Variants in DNAH11 observed in about 807,000 individuals in gnomAD.
DNAH11 encodes the protein axonemal beta dynein heavy chain 11.
DNAH11 carries 442 observed loss-of-function variants against 526.0 expected under a neutral mutation model. That is an observed-to-expected ratio of 0.84 (90% CI 0.78 to 0.91). The LOEUF is 0.91. DNAH11 is among the 40% of genes least tolerant of loss of function. The pLI is 0.00. For missense variants in DNAH11, 6,989 were observed against 5,448.7 expected (o/e 1.28, Z -8.90); for synonymous variants, 2,461 against 1,935.9 (o/e 1.27, Z -7.12).
chr7:21,807,519 T>C (rs1210149793), intron 62 of DNAH11, among the ~76,000 whole-genome samples: 1 of 152,130 alleles, frequency 6.6e-6, no homozygotes, highest in Non-Finnish European at 1.5e-5. Flanking sequence ...AATCTTAACA[T>C]CACTCGTTCT....
At chr7:21,815,764 A>G (rs941577628) in intron 63 of DNAH11, among the ~76,000 whole-genome samples, 5 of 152,038 alleles carry the variant, frequency 3.3e-5, no homozygotes, top group African/African-American at 9.7e-5. Context: ...CTTTAATACA[A>G]TTTTTGCCAC....
chr7:21,789,479 T>G lies in DNAH11; in HGVS notation c.10026+137T>G, dbSNP rs930021816. On this transcript the variant is annotated intron_variant, in intron 61 of 81. Coordinates refer to ENST00000409508, the MANE Select transcript of DNAH11 (RefSeq NM_001277115.2). ...TTCGATCTTCCATGAGTGTATTTCC[T>G]TATATACCATTCAGTAGGTATTTCT... is the stretch of plus-strand genomic sequence containing the variant. 6.9e-6 allele frequency: 4 copies of G among 579,238 alleles called. No individual in the cohort carries two copies. In the Admixed American group the frequency reaches 9.3e-5, roughly 13 times the overall value. The allele number at this position is 579,238 out of a possible 1,614,324, so 35.9% of individuals were successfully genotyped here. A position where few individuals can be genotyped will look rare whatever the true frequency, so the allele number is the denominator to read the frequency against.
chr7:21,683,751 G>C, intron 31 of DNAH11, 33 bp from the exon 32 acceptor site: 1 of 1,531,872 alleles, frequency 6.5e-7, no homozygotes, highest in African/African-American at 1.4e-5. Flanking sequence ...AACTACCAGT[G>C]TCCTGCGTAT....
intron 30 of DNAH11, among the ~76,000 whole-genome samples, chr7:21,667,042 G>A (rs1782448406): frequency 6.6e-6 from 1 of 152,040 alleles, no homozygotes; most frequent in African/African-American, 2.4e-5. Flanking sequence ...TATTGCAATG[G>A]TAAGCCAATT....
Position 21,739,592 on chromosome 7 carries a change from G to A in DNAH11, c.7833G>A (p.Met2611Ile), listed in dbSNP as rs1196235200. Residue 2611 changes from methionine (M) to isoleucine (I), a missense_variant, in exon 48 of 82, where the codon ATG becomes ATA. By Grantham distance (10) the Met-to-Ile change is conservative. Transcript: ENST00000409508. ...YGHWYDRQKV[M>I]LKEIHNCQYV... ...TCAGGTATGATAGACAGAAGGTGATGCTTAAAGAAATCCATAACTGCCAGT... is the reference window on the plus strand; with the variant it reads ...TCAGGTATGATAGACAGAAGGTGATACTTAAAGAAATCCATAACTGCCAGT... 2 of 1,612,168 alleles carry A rather than the reference G, an allele frequency of 1.2e-6. No homozygotes were observed. Among genetic ancestry groups the A allele is most frequent in the Admixed American group, 1.7e-5 (1 of 59,768 alleles).
At chr7:21,759,127 G>A (rs77571488) in intron 54 of DNAH11, among the ~76,000 whole-genome samples, 4,639 of 152,278 alleles carry the variant, frequency 0.03, 223 homozygotes, top group African/African-American at 0.1. Flanking sequence ...CAGCTGAGAC[G>A]AGGGCTCTGC....
At chr7:21,587,790 A>G (rs1784524866) in intron 9 of DNAH11, among the ~76,000 whole-genome samples, 2 of 152,206 alleles carry the variant, frequency 1.3e-5, no homozygotes, top group Admixed American at 1.3e-4. Context: ...CTGGAACCCA[A>G]CAGGAAATAA....
At chr7:21,641,134 C>T (rs1320175245) in intron 28 of DNAH11, among the ~76,000 whole-genome samples, 7 of 152,206 alleles carry the variant, frequency 4.6e-5, no homozygotes, top group Non-Finnish European at 7.3e-5. Context: ...CATCTTCCTC[C>T]TCCTTTTCTA....
intron 2 of DNAH11, among the ~76,000 whole-genome samples, chr7:21,549,589 A>G (rs916973160): frequency 4.6e-5 from 7 of 152,080 alleles, no homozygotes; most frequent in African/African-American, 1.7e-4. Flanking sequence ...CCGAGATGCT[A>G]CTTTTGGTTC....
At chr7:21,653,738 TTAAAG>T (rs1478040214) in intron 28 of DNAH11, among the ~76,000 whole-genome samples, 1 of 152,170 alleles carries the variant, frequency 6.6e-6, no homozygotes, top group Non-Finnish European at 1.5e-5. Flanking sequence ...CTATCTGTGT[TTAAAG>T]TAAGCGAGAG....
intron 14 of DNAH11, among the ~76,000 whole-genome samples, chr7:21,598,739 A>C (rs192807101): frequency 2.0e-5 from 3 of 152,194 alleles, no homozygotes; most frequent in African/African-American, 7.2e-5. Context: ...CCCTCCTTCC[A>C]ATCCTTACCC....
intron 62 of DNAH11, among the ~76,000 whole-genome samples, chr7:21,802,742 G>A (rs933150077): frequency 2.6e-5 from 4 of 151,918 alleles, no homozygotes; most frequent in Non-Finnish European, 4.4e-5. Context: ...GTGATATCAT[G>A]TGATACACAG....
chr7:21,888,781 C>G (rs903127375), intron 76 of DNAH11, among the ~76,000 whole-genome samples: 1 of 152,108 alleles, frequency 6.6e-6, no homozygotes, highest in Non-Finnish European at 1.5e-5. Flanking sequence ...AGCCACCATG[C>G]CTGGCCGAAA....
chr7:21,900,138 GT>G lies in DNAH11; in HGVS notation c.13303+19del. 6.3e-7 allele frequency: 1 copy of G among 1,596,444 alleles called. No individual in the cohort carries two copies. Among genetic ancestry groups the G allele is most frequent in the Non-Finnish European group, 8.5e-7 (1 of 1,170,992 alleles). The stretch of plus-strand genomic sequence containing the variant: ...CATGGAGGGTAAGACACCCCAAGGG[GT>G]AAGTGGGGAACCTTTTCTTACTCAG... On this transcript the variant is annotated intron_variant, in intron 81 of 81. Coordinates refer to ENST00000409508, the MANE Select transcript of DNAH11 (RefSeq NM_001277115.2).
intron 55 of DNAH11, among the ~76,000 whole-genome samples, chr7:21,768,023 T>C (rs1265458525): frequency 1.3e-5 from 2 of 152,134 alleles, no homozygotes; most frequent in African/African-American, 4.8e-5. Flanking sequence ...CACCCAGGGG[T>C]ACGGGTTGAC....
chr7:21,822,442 C>T (rs1790096218), intron 65 of DNAH11, among the ~76,000 whole-genome samples: 1 of 152,154 alleles, frequency 6.6e-6, no homozygotes, highest in African/African-American at 2.4e-5. Context: ...CAAACATTTC[C>T]CACCAGGCCC....
At chr7:21,559,505 G>T in intron 3 of DNAH11, 98 bp from the exon 4 acceptor site, 1 of 987,114 alleles carries the variant, frequency 1.0e-6, no homozygotes, top group Non-Finnish European at 1.5e-6. Context: ...TTTATTTTTA[G>T]GAAACTAGTT....
At chr7:21,605,229 G>A (rs529629176) in intron 18 of DNAH11, among the ~76,000 whole-genome samples, 1 of 152,264 alleles carries the variant, frequency 6.6e-6, no homozygotes, top group East Asian at 1.9e-4. Flanking sequence ...TATTTACTGA[G>A]GTTTACAAAA....
chr7:21,874,002 A>T lies in DNAH11; in HGVS notation c.12195+501A>T, dbSNP rs182892452. Among the ~76,000 whole-genome samples, 8 of 151,536 alleles carry T rather than the reference A, an allele frequency of 5.3e-5. No individual in the cohort carries two copies. The East Asian group carries it at 1.6e-3, about 30-fold the overall frequency. ...GATGGGGTTTCACCATGTTGACCAG[A>T]CTGGTCTTGAACTCCTGACCTCAGG... is the stretch of plus-strand genomic sequence containing the variant. On this transcript the variant is annotated intron_variant, in intron 74 of 81. Coordinates refer to ENST00000409508, the MANE Select transcript of DNAH11 (RefSeq NM_001277115.2).
Sources: allele counts gnomAD v4.1 joint callset (sites outside exome capture counted in the v4.1 genomes callset), GRCh38; gene constraint gnomAD v4.1.1; transcripts MANE v1.5; gene names NCBI Gene and HGNC (gene_info 2026-07-23, HGNC 2026-07-21).